SYK: variants seen among roughly 807,000 people sequenced by gnomAD.
The protein encoded by SYK is spleen associated tyrosine kinase.
Under a neutral mutation model 77.8 loss-of-function variants are expected in SYK, and 16 were observed. The observed-to-expected ratio is 0.21, with a 90% CI of 0.14 to 0.31. SYK has a LOEUF of 0.31. Among genes scored for constraint, SYK ranks in the 10% least tolerant of loss-of-function variants. SYK has a pLI of 1.00. For synonymous variants in SYK, 312 were observed against 308.7 expected (o/e 1.01, Z -0.11); for missense variants, 529 against 814.4 (o/e 0.65, Z 4.26).
At chr9:90,871,205 G>A (rs11791054) in intron 7 of SYK, among the ~76,000 whole-genome samples, 12,505 of 152,208 alleles carry the variant, frequency 0.082, 657 homozygotes, top group African/African-American at 0.15. Context: ...GGTAGAAAGC[G>A]AAGGTGGCTA....
chr9:90,805,504 A>G (rs987450603), intron 1 of SYK, among the ~76,000 whole-genome samples: 6 of 152,236 alleles, frequency 3.9e-5, no homozygotes, highest in African/African-American at 1.4e-4. Context: ...GAGAGAAAGT[A>G]AATTCAACAG....
intron 3 of SYK, among the ~76,000 whole-genome samples, chr9:90,849,629 A>C (rs907015149): frequency 2.0e-5 from 3 of 152,222 alleles, no homozygotes; most frequent in Non-Finnish European, 4.4e-5. Context: ...ATAGAAATAT[A>C]AAAACATGAC....
chr9:90,815,674 T>C (rs1825265362), intron 1 of SYK, among the ~76,000 whole-genome samples: 2 of 152,272 alleles, frequency 1.3e-5, no homozygotes, highest in Admixed American at 1.3e-4. Context: ...TTGATACGTC[T>C]AAACATTGAG....
chr9:90,813,682 T>C (rs1564068600), intron 1 of SYK, among the ~76,000 whole-genome samples: 1 of 152,014 alleles, frequency 6.6e-6, no homozygotes, highest in East Asian at 1.9e-4. Flanking sequence ...CATGGTTGAG[T>C]GCGGGATGTC....
At chr9:90,867,221 G>A (rs370542858) in intron 7 of SYK, 22 bp downstream of exon 7, 21 of 1,613,582 alleles carry the variant, frequency 1.3e-5, no homozygotes, top group Non-Finnish European at 1.5e-5. Context: ...ACCCCTGCTT[G>A]CTGTCCAACT....
intron 1 of SYK, among the ~76,000 whole-genome samples, chr9:90,823,075 C>T (rs903435472): frequency 1.3e-5 from 2 of 152,112 alleles, no homozygotes; most frequent in East Asian, 3.9e-4. Flanking sequence ...TGGGAATTCC[C>T]AAGGGAATTC....
rs901757361 is a variant in SYK at position 90,821,083 on chromosome 9, A to G, written c.-42+19190A>G. 4.6e-5 allele frequency among the ~76,000 whole-genome samples: 7 copies of G among 152,228 alleles called. No homozygotes were observed. In the East Asian group the frequency reaches 7.7e-4, roughly 17 times the overall value. ...AGTTCCTAACAAGTTTCTCATCTCCATCTGAGACTGCCTCAGCCTGGACCT... is the reference window on the plus strand; with the variant it reads ...AGTTCCTAACAAGTTTCTCATCTCCGTCTGAGACTGCCTCAGCCTGGACCT... On this transcript the variant is annotated intron_variant, in intron 1 of 13. Coordinates refer to ENST00000375754, the MANE Select transcript of SYK (RefSeq NM_003177.7).
intron 9 of SYK, 125 bp from the exon 10 acceptor site, chr9:90,877,446 T>C (rs1827981821): frequency 9.8e-7 from 1 of 1,023,868 alleles, no homozygotes. Flanking sequence ...TGAAGACACA[T>C]TGCCACTCTG....
rs982735823 is a variant in SYK, at chr9:90,897,692, C to G, written c.*2092C>G. The G allele has an allele frequency of 4.4e-6, 1 of 225,030 alleles. No homozygotes were observed. Among genetic ancestry groups the G allele is most frequent in the South Asian group, 1.8e-4 (1 of 5,470 alleles). 13.9% of individuals were successfully genotyped at this position (225,030 alleles called of 1,614,324 possible). A position where few individuals can be genotyped will look rare whatever the true frequency, so the allele number is the denominator to read the frequency against. On this transcript the variant is annotated 3_prime_UTR_variant, in exon 14 of 14. Coordinates refer to ENST00000375754, the MANE Select transcript of SYK (RefSeq NM_003177.7). The stretch of plus-strand genomic sequence containing the variant: ...CCAGGAGCCTGGGGATGCCAAACAT[C>G]CAGAATGTGATGGGACAAGATGGGG...
chr9:90,817,882 T>TGTGAGA (rs1302553724), intron 1 of SYK, among the ~76,000 whole-genome samples: 94 of 66,898 alleles, frequency 1.4e-3, no homozygotes, highest in African/African-American at 4.4e-3. Flanking sequence ...TGTGTGTGTG[T>TGTGAGA]GAGAGAGAGA....
intron 3 of SYK, among the ~76,000 whole-genome samples, chr9:90,857,912 A>G (rs911904631): frequency 1.3e-5 from 2 of 150,606 alleles, no homozygotes; most frequent in South Asian, 2.1e-4. Context: ...GAGTCTGACA[A>G]CTGACCCGGT....
chr9:90,841,287 T>C (rs1826312200), intron 1 of SYK, among the ~76,000 whole-genome samples: 1 of 151,124 alleles, frequency 6.6e-6, no homozygotes, highest in Admixed American at 6.6e-5. Context: ...CTGTGTTATG[T>C]GTGTAATGTG....
chr9:90,812,571 A>G (rs546527391), intron 1 of SYK, among the ~76,000 whole-genome samples: 1 of 152,312 alleles, frequency 6.6e-6, no homozygotes, highest in South Asian at 2.1e-4. Context: ...ATTGAGGACC[A>G]CCATTTGACA....
At chr9:90,814,688 T>TA (rs1262942552) in intron 1 of SYK, among the ~76,000 whole-genome samples, 16 of 152,294 alleles carry the variant, frequency 1.1e-4, no homozygotes, top group Admixed American at 9.1e-4. Flanking sequence ...CCAATTTTCT[T>TA]AAGAGGATCT....
Position 90,898,091 on chromosome 9 carries a change from A to G in SYK, c.*2491A>G, listed in dbSNP as rs1431435662. 2 of 227,968 alleles carry G rather than the reference A, an allele frequency of 8.8e-6. No individual in the cohort carries two copies. The highest frequency in any genetic ancestry group is 4.4e-5 in the African/African-American group (2 of 45,014). 14.1% of individuals were successfully genotyped at this position (227,968 alleles called of 1,614,324 possible). ...CCCTGGGGTCTGGGCTCACTCCATA[A>G]GGTAAGGTGCCTTTTACCTTATGGT... On this transcript the variant is annotated 3_prime_UTR_variant, in exon 14 of 14. Transcript: ENST00000375754.
intron 11 of SYK, among the ~76,000 whole-genome samples, chr9:90,884,617 A>G (rs376674863): frequency 1.0e-4 from 2 of 19,960 alleles, no homozygotes; most frequent in Non-Finnish European, 1.6e-4. Flanking sequence ...ATATACACAT[A>G]TACACATATG....
At chr9:90,871,414 TA>T (rs1425490440) in intron 7 of SYK, among the ~76,000 whole-genome samples, 1 of 152,262 alleles carries the variant, frequency 6.6e-6, no homozygotes, top group Non-Finnish European at 1.5e-5. Flanking sequence ...ACCGGAAATA[TA>T]TTTTTTATTA....
At chr9:90,823,182 A>G (rs1488084631) in intron 1 of SYK, among the ~76,000 whole-genome samples, 13 of 152,218 alleles carry the variant, frequency 8.5e-5, no homozygotes, top group Admixed American at 7.2e-4. Flanking sequence ...ACAGAATGGT[A>G]AAGGGGTCGA....
chr9:90,865,051 A>G lies in SYK; in HGVS notation c.800A>G (p.Asn267Ser), dbSNP rs573465357. 6.2e-7 allele frequency: 1 copy of G among 1,614,202 alleles called. No homozygotes were observed. The highest frequency in any genetic ancestry group is 1.1e-5 in the South Asian group (1 of 91,088). ...TGTCCATGCTCTCTCTAACCAGGAA[A>G]TGTTAATTTTGGAGGCCGTCCACAA... ...VPCQKIGTQG[N>S]VNFGGRPQLP... is the part of the protein sequence containing the mutation. Residue 267 changes from asparagine (N) to serine (S), a missense_variant, in exon 6 of 14, where the codon AAT becomes AGT. Asn to Ser is a conservative substitution (Grantham distance 46). Coordinates refer to ENST00000375754, the MANE Select transcript of SYK (RefSeq NM_003177.7).
Sources: gnomAD v4.1 joint callset for allele counts (sites outside exome capture counted in the v4.1 genomes callset) on GRCh38, gnomAD v4.1.1 for gene constraint, MANE v1.5 for transcripts, NCBI Gene and HGNC (gene_info 2026-07-23, HGNC 2026-07-21) for gene names.